Variants in ADGRV1 observed in about 807,000 individuals in gnomAD.
The protein encoded by ADGRV1 is adhesion G protein-coupled receptor V1.
A neutral mutation model predicts 596.2 loss-of-function variants in ADGRV1; 359 were observed. The observed-to-expected ratio is 0.60, with a 90% CI of 0.55 to 0.66. ADGRV1 has a LOEUF of 0.66. Among genes scored for constraint, ADGRV1 ranks in the 30% least tolerant of loss-of-function variants. ADGRV1 has a pLI of 0.00. For synonymous variants in ADGRV1, 2,681 were observed against 2,679.2 expected, an observed-to-expected ratio of 1.00 and a Z score of -0.02; for missense variants, 7,274 against 7,575.6, an observed-to-expected ratio of 0.96 and a Z score of 1.48.
chr5:90,580,648 C>T (rs560906353), intron 1 of ADGRV1, among the ~76,000 whole-genome samples: 17 of 152,278 alleles, frequency 1.1e-4, no homozygotes, highest in Non-Finnish European at 1.8e-4. Context: ...CCGAGAGATC[C>T]GCTGTTAGTC....
At chr5:90,962,338 A>G (rs1441887426) in intron 83 of ADGRV1, among the ~76,000 whole-genome samples, 2 of 152,270 alleles carry the variant, frequency 1.3e-5, no homozygotes, top group Non-Finnish European at 2.9e-5. Flanking sequence ...CATACTGAAT[A>G]AATCAATGTA....
chr5:91,041,296 C>T lies in ADGRV1; in HGVS notation c.18153-31151C>T, dbSNP rs530038886. ...TGTGGCACATATACACCATGGAATA[C>T]TATGCAGCCATAAAAAAGGATGAGT... On this transcript the variant is annotated intron_variant, in intron 85 of 89. Coordinates refer to ENST00000405460, the MANE Select transcript of ADGRV1 (RefSeq NM_032119.4). Among the ~76,000 whole-genome samples, 8 of 152,244 alleles carry T rather than the reference C, an allele frequency of 5.3e-5. No individual in the cohort carries two copies. The South Asian group carries it at 1.7e-3, about 32-fold the overall frequency.
At chr5:91,124,177 G>A (rs1052554004) in intron 87 of ADGRV1, among the ~76,000 whole-genome samples, 3 of 152,016 alleles carry the variant, frequency 2.0e-5, no homozygotes, top group Admixed American at 2.0e-4. Context: ...TTTTTTGTGT[G>A]TATTAATTCT....
At chr5:90,949,649 A>G (rs1776892194) in intron 83 of ADGRV1, among the ~76,000 whole-genome samples, 1 of 152,206 alleles carries the variant, frequency 6.6e-6, no homozygotes, top group African/African-American at 2.4e-5. Flanking sequence ...CTACAGGGAA[A>G]TTCTCTAGGG....
intron 87 of ADGRV1, among the ~76,000 whole-genome samples, chr5:91,106,324 G>T (rs1791871981): frequency 1.3e-5 from 2 of 152,110 alleles, no homozygotes; most frequent in South Asian, 4.1e-4. Context: ...ATTGGTCCAT[G>T]TGTCTTTGTT....
intron 86 of ADGRV1, among the ~76,000 whole-genome samples, chr5:91,073,289 T>C (rs1788547724): frequency 6.6e-6 from 1 of 152,254 alleles, no homozygotes; most frequent in Non-Finnish European, 1.5e-5. Flanking sequence ...GTGACTGGGA[T>C]ATTAGGGAGC....
chr5:90,858,097 G>A (rs1561857961), intron 82 of ADGRV1, among the ~76,000 whole-genome samples: 1 of 152,084 alleles, frequency 6.6e-6, no homozygotes, highest in African/African-American at 2.4e-5. Context: ...TGAAAGAAAA[G>A]GGCATATACC....
At chr5:90,865,988 T>TA (rs569286780) in intron 83 of ADGRV1, among the ~76,000 whole-genome samples, 5 of 152,078 alleles carry the variant, frequency 3.3e-5, no homozygotes, top group African/African-American at 1.2e-4. Flanking sequence ...AGAGAAGTCT[T>TA]AAAAAAATGC....
intron 84 of ADGRV1, among the ~76,000 whole-genome samples, chr5:90,979,109 A>T (rs1343047795): frequency 2.0e-5 from 3 of 152,126 alleles, no homozygotes; most frequent in African/African-American, 7.2e-5. Flanking sequence ...TGGTGAAAAA[A>T]AATGAGAACA....
At chr5:91,055,193 G>T (rs1345574704) in intron 85 of ADGRV1, among the ~76,000 whole-genome samples, 1 of 152,012 alleles carries the variant, frequency 6.6e-6, no homozygotes, top group Non-Finnish European at 1.5e-5. Flanking sequence ...TTAGACACTG[G>T]ATTAGAGGTG....
intron 13 of ADGRV1, 95 bp from the exon 14 acceptor site, chr5:90,643,708 C>A: frequency 1.1e-6 from 1 of 943,560 alleles, no homozygotes; most frequent in Non-Finnish European, 1.6e-6. Context: ...GCTTCTGAAA[C>A]TTTGAGTATA....
At chr5:90,663,759 G>A (rs1770806797) in intron 21 of ADGRV1, among the ~76,000 whole-genome samples, 1 of 152,064 alleles carries the variant, frequency 6.6e-6, no homozygotes, top group Non-Finnish European at 1.5e-5. Context: ...TAATGTTTAA[G>A]TCTTTAATCC....
At chr5:91,028,732 GTTTT>G (rs397998676) in intron 85 of ADGRV1, among the ~76,000 whole-genome samples, 10 of 95,912 alleles carry the variant, frequency 1.0e-4, no homozygotes, top group African/African-American at 4.1e-4. Context: ...ACTAGACTCT[GTTTT>G]TTTTTTTTTT....
At chr5:90,836,041 T>C (rs1764940752) in intron 77 of ADGRV1, among the ~76,000 whole-genome samples, 1 of 152,166 alleles carries the variant, frequency 6.6e-6, no homozygotes, top group Non-Finnish European at 1.5e-5. Flanking sequence ...GGGATATCAC[T>C]AGATGCCTAC....
At chr5:90,663,609 G>T (rs1170081049) in intron 21 of ADGRV1, among the ~76,000 whole-genome samples, 54 of 152,208 alleles carry the variant, frequency 3.5e-4, no homozygotes, top group Non-Finnish European at 4.1e-4. Flanking sequence ...AGAAGCTCTT[G>T]AGTTTAATTA....
chr5:90,683,818 C>T lies in ADGRV1; in HGVS notation c.5897C>T (p.Thr1966Met), dbSNP rs1274891185. The T allele has an allele frequency of 5.0e-6, 8 of 1,613,778 alleles. No individual in the cohort carries two copies. Among genetic ancestry groups the T allele is most frequent in the South Asian group, 2.2e-5 (2 of 91,062 alleles). The change falls in exon 28 of 90, where the codon ACG becomes ATG. Residue 1966 changes from threonine to methionine, a missense_variant. By Grantham distance (81) the Thr-to-Met change is moderately conservative (BLOSUM62 -1). Coordinates refer to ENST00000405460, the MANE Select transcript of ADGRV1 (RefSeq NM_032119.4). ...TCTTTGGGAGCTCATATTAATGCCA[C>T]GTTAACAGTTTTGGCTAGTGATGAT... ...SGSLGAHINA[T>M]LTVLASDDPY... is the part of the protein sequence containing the mutation.
In ADGRV1 at chr5:90,697,107, A is replaced by C; in HGVS notation, c.8116A>C (p.Ser2706Arg). 1 of 1,613,434 alleles carries C rather than the reference A, an allele frequency of 6.2e-7. No individual in the cohort carries two copies. Among genetic ancestry groups the C allele is most frequent in the Non-Finnish European group, 8.5e-7 (1 of 1,179,432 alleles). Reference sequence around the variant, plus strand: ...CAATGACAATGTGGCAGGAATTGTTAGCTTTCAGACAGCTTCCAGATCTGT... The same window carrying C: ...CAATGACAATGTGGCAGGAATTGTTCGCTTTCAGACAGCTTCCAGATCTGT... ...LANDNVAGIV[S>R]FQTASRSVIG... The change falls in exon 34 of 90, where the codon AGC becomes CGC. Residue 2706 changes from serine to arginine, a missense_variant. Coordinates refer to ENST00000405460, the MANE Select transcript of ADGRV1 (RefSeq NM_032119.4).
chr5:90,699,397 TTTTGGATTTGTTTTGTTG>T, intron 34 of ADGRV1, among the ~76,000 whole-genome samples: 1 of 152,072 alleles, frequency 6.6e-6, no homozygotes, highest in South Asian at 2.1e-4. Flanking sequence ...GACGGGAGCA[TTTTGGATTTGTTTTGTTG>T]AAGAAATAGG....
At chr5:90,617,615 A>G in intron 2 of ADGRV1, 189 bp from the exon 3 acceptor site, 1 of 502,724 alleles carries the variant, frequency 2.0e-6, no homozygotes, top group Admixed American at 3.4e-5. Context: ...GCCTGGAATC[A>G]TTTGTTTATT....
Sources: gnomAD v4.1 joint callset for allele counts (sites outside exome capture counted in the v4.1 genomes callset) on GRCh38, gnomAD v4.1.1 for gene constraint, MANE v1.5 for transcripts, NCBI Gene and HGNC (gene_info 2026-07-23, HGNC 2026-07-21) for gene names.